The following TRAPPC9 variants were observed in gnomAD, a reference collection of about 807,000 sequenced individuals.
TRAPPC9 encodes the protein trafficking protein particle complex subunit 9.
Under a neutral mutation model 124.0 loss-of-function variants are expected in TRAPPC9, and 83 were observed. That is an observed-to-expected ratio of 0.67 (90% CI 0.56 to 0.80). TRAPPC9 has a LOEUF of 0.80. TRAPPC9 is among the 30% of genes least tolerant of loss of function. The pLI is 0.00. For synonymous variants in TRAPPC9, 638 were observed against 617.5 expected (o/e 1.03, Z -0.49); for missense variants, 1,302 against 1,508.3 (o/e 0.86, Z 2.27).
chr8:140,195,230 C>G (rs550674001), intron 17 of TRAPPC9, among the ~76,000 whole-genome samples: 2 of 151,798 alleles, frequency 1.3e-5, no homozygotes, highest in Admixed American at 1.3e-4. Context: ...ATCCACCGTA[C>G]AGATAACACC....
intron 18 of TRAPPC9, among the ~76,000 whole-genome samples, chr8:139,989,348 C>A (rs1465443814): frequency 3.2e-4 from 48 of 152,298 alleles, no homozygotes. Flanking sequence ...TTCTCCCATG[C>A]GGGCACCTCT....
chr8:139,820,006 T>TCAAAA (rs1211488083), intron 21 of TRAPPC9, among the ~76,000 whole-genome samples: 1 of 20,706 alleles, frequency 4.8e-5, no homozygotes, highest in Non-Finnish European at 8.0e-5. Flanking sequence ...AGACTCTGTC[T>TCAAAA]CAAAAAAAAA....
intron 17 of TRAPPC9, among the ~76,000 whole-genome samples, chr8:140,074,317 C>T (rs746613911): frequency 1.3e-5 from 2 of 152,204 alleles, no homozygotes; most frequent in Non-Finnish European, 2.9e-5. Flanking sequence ...GCAATCAGAA[C>T]TCCAGTGGTC....
intron 7 of TRAPPC9, among the ~76,000 whole-genome samples, chr8:140,388,235 G>C (rs1418298371): frequency 2.8e-5 from 4 of 143,296 alleles, no homozygotes; most frequent in South Asian, 4.7e-4. Flanking sequence ...GGGTGGGGAG[G>C]GGGGAGGTGG....
intron 17 of TRAPPC9, among the ~76,000 whole-genome samples, chr8:140,084,124 CTATTAT>C (rs1365346106): frequency 1.3e-5 from 2 of 152,014 alleles, no homozygotes; most frequent in African/African-American, 4.8e-5. Flanking sequence ...AAAATGGTAG[CTATTAT>C]TATTATAATT....
At chr8:140,274,430 TC>T (rs1173088355) in intron 15 of TRAPPC9, among the ~76,000 whole-genome samples, 16 of 152,234 alleles carry the variant, frequency 1.1e-4, no homozygotes, top group South Asian at 2.1e-4. Context: ...CCTGGGTCCC[TC>T]CCCAGGGCAA....
intron 9 of TRAPPC9, among the ~76,000 whole-genome samples, chr8:140,336,878 A>T (rs1222849097): frequency 1.3e-5 from 2 of 150,226 alleles, no homozygotes; most frequent in African/African-American, 5.0e-5. Flanking sequence ...CAAGCATTAG[A>T]ATGAGTCTTC....
At chr8:139,981,987 G>A (rs961682113) in intron 19 of TRAPPC9, among the ~76,000 whole-genome samples, 2 of 152,098 alleles carry the variant, frequency 1.3e-5, no homozygotes, top group Non-Finnish European at 2.9e-5. Context: ...GACAGAGCCG[G>A]GCATCTTAAA....
At chr8:140,150,729 C>T (rs1015128852) in intron 17 of TRAPPC9, among the ~76,000 whole-genome samples, 1 of 152,112 alleles carries the variant, frequency 6.6e-6, no homozygotes, top group East Asian at 1.9e-4. Flanking sequence ...GAAGATGAAC[C>T]TAGGAAGAAA....
intron 21 of TRAPPC9, among the ~76,000 whole-genome samples, chr8:139,817,045 A>AACACACACAC (rs1228353322): frequency 0.067 from 9,130 of 135,302 alleles, 360 homozygotes; most frequent in African/African-American, 0.089. Context: ...ACATAAACTA[A>AACACACACAC]ACACACACAC....
At chr8:140,050,439 A>G (rs938757260) in intron 17 of TRAPPC9, among the ~76,000 whole-genome samples, 2 of 152,160 alleles carry the variant, frequency 1.3e-5, no homozygotes, top group Non-Finnish European at 2.9e-5. Flanking sequence ...AGGGGACTGA[A>G]GCTCAGAGAA....
intron 17 of TRAPPC9, among the ~76,000 whole-genome samples, chr8:140,086,140 G>A (rs1335068807): frequency 1.3e-5 from 2 of 152,188 alleles, no homozygotes; most frequent in African/African-American, 4.8e-5. Context: ...CCTAACCAGG[G>A]CTTGGATCGT....
chr8:140,336,349 C>T (rs2067040257), intron 9 of TRAPPC9, among the ~76,000 whole-genome samples: 1 of 152,234 alleles, frequency 6.6e-6, no homozygotes, highest in Non-Finnish European at 1.5e-5. Flanking sequence ...CCAACCCTGG[C>T]TTGCCTCTGT....
chr8:140,352,491 A>G (rs892004817), intron 9 of TRAPPC9, among the ~76,000 whole-genome samples: 5 of 152,176 alleles, frequency 3.3e-5, no homozygotes, highest in Non-Finnish European at 7.3e-5. Flanking sequence ...AGGAACTGGC[A>G]GCCTAATCTT....
intron 9 of TRAPPC9, among the ~76,000 whole-genome samples, chr8:140,322,135 C>T (rs530908050): frequency 6.6e-6 from 1 of 152,320 alleles, no homozygotes; most frequent in Admixed American, 6.5e-5. Context: ...AGAGATAGGG[C>T]TGGAGATCAG....
chr8:139,745,741 A>C (rs1353597281), intron 21 of TRAPPC9, among the ~76,000 whole-genome samples: 1 of 152,218 alleles, frequency 6.6e-6, no homozygotes, highest in Non-Finnish European at 1.5e-5. Flanking sequence ...GGGCCTCTGG[A>C]TGGAGCGGGC....
intron 15 of TRAPPC9, among the ~76,000 whole-genome samples, chr8:140,255,865 A>G (rs2064241756): frequency 1.3e-5 from 2 of 152,212 alleles, no homozygotes; most frequent in Admixed American, 1.3e-4. Flanking sequence ...CAGCCTGGGC[A>G]ACAAAGCGAG....
chr8:139,894,032 C>T (rs900594290), intron 20 of TRAPPC9, among the ~76,000 whole-genome samples: 10 of 152,236 alleles, frequency 6.6e-5, no homozygotes, highest in African/African-American at 2.2e-4. Flanking sequence ...GCATCCCTGC[C>T]CACAGCCACC....
chr8:140,242,027 GC>G (rs2063867473), intron 16 of TRAPPC9, among the ~76,000 whole-genome samples: 1 of 152,050 alleles, frequency 6.6e-6, no homozygotes, highest in Non-Finnish European at 1.5e-5. Context: ...GAGTGGGTTG[GC>G]AGAAAAAGAG....
Sources: allele counts gnomAD v4.1 joint callset (sites outside exome capture counted in the v4.1 genomes callset), GRCh38; gene constraint gnomAD v4.1.1; transcripts MANE v1.5; gene names NCBI Gene and HGNC (gene_info 2026-07-23, HGNC 2026-07-21).